The following FUCA2 variants were observed in gnomAD, a reference collection of about 807,000 sequenced individuals.
FUCA2 encodes alpha-L-fucosidase 2.
In FUCA2, 41 loss-of-function variants were observed where a neutral mutation model predicts 52.6. That is an observed-to-expected ratio of 0.78 (90% CI 0.61 to 1.01). The LOEUF is 1.01. Among genes scored for constraint, FUCA2 ranks in the 50% least tolerant of loss-of-function variants. The pLI, the probability that FUCA2 is intolerant of heterozygous loss-of-function variation, is 0.00. For synonymous variants in FUCA2, 211 were observed against 217.3 expected (o/e 0.97, Z 0.26); for missense variants, 507 against 569.5 (o/e 0.89, Z 1.12).
chr6:143,500,639 A>G lies in FUCA2; in HGVS notation c.1154+1293T>C, dbSNP rs1396009250. On this transcript the variant is annotated intron_variant, in intron 5 of 6. Coordinates refer to ENST00000002165, the MANE Select transcript of FUCA2 (RefSeq NM_032020.5). This position sits in a 1 kb window ranked among gnomAD's most constrained non-coding sequence, Gnocchi z 6.9. ...TAAGAAGTTCGACTTTGCATTACCA[A>G]TATGACCTTGTATATTGATAATGCA... Among the ~76,000 whole-genome samples the G allele has an allele frequency of 6.6e-6, 1 of 152,196 alleles. No homozygotes were observed. The highest frequency in any genetic ancestry group is 6.5e-5 in the Admixed American group (1 of 15,274).
At position 143,503,805 on chromosome 6, in the gene FUCA2, TACC is replaced by T. The variant is rs1780562647; in HGVS notation, c.752+105_752+107del. The T allele has an allele frequency of 7.4e-6, 6 of 809,144 alleles. No homozygotes were observed. The Admixed American group carries it at 1.8e-4, about 24-fold the overall frequency. 50.1% of individuals were successfully genotyped at this position (809,144 alleles called of 1,614,324 possible). ...TATTTACAATGATTTTCTCCCCCCATACCACCAATGACTTAAAATGAAATATTT... is the reference window on the plus strand; with the variant it reads ...TATTTACAATGATTTTCTCCCCCCATACCAATGACTTAAAATGAAATATTT... On this transcript the variant is annotated intron_variant, in intron 3 of 6. Coordinates refer to ENST00000002165, the MANE Select transcript of FUCA2 (RefSeq NM_032020.5). The surrounding 1 kb of genome is among the most constrained non-coding windows in gnomAD (Gnocchi z 4.8).
Position 143,500,525 on chromosome 6 carries a change from A to G in FUCA2, c.1154+1407T>C, listed in dbSNP as rs1780515281. ...CTGAGATGGAGAAGACCGTGGGTGG[A>G]GCTAGTCTACAGCAAAAATTTAAAA... On this transcript the variant is annotated intron_variant, in intron 5 of 6. Transcript: ENST00000002165. The surrounding 1 kb of genome is among the most constrained non-coding windows in gnomAD (Gnocchi z 6.9). Among the ~76,000 whole-genome samples the G allele has an allele frequency of 6.6e-6, 1 of 152,178 alleles. No homozygotes were observed. Among genetic ancestry groups the G allele is most frequent in the Admixed American group, 6.6e-5 (1 of 15,266 alleles).
Position 143,502,258 on chromosome 6 carries a change from C to T in FUCA2, c.963+97G>A. On this transcript the variant is annotated intron_variant, in intron 4 of 6. Coordinates refer to ENST00000002165, the MANE Select transcript of FUCA2 (RefSeq NM_032020.5). This position sits in a 1 kb window ranked among gnomAD's most constrained non-coding sequence, Gnocchi z 4.1. ...AACAAACACAGGATAGAACAATGTC[C>T]TATATTTATAGGCCATTGAGCCATA... 1 of 1,379,398 alleles carries T rather than the reference C, an allele frequency of 7.2e-7. No individual in the cohort carries two copies. Among genetic ancestry groups the T allele is most frequent in the Non-Finnish European group, 1.0e-6 (1 of 995,964 alleles). 85.4% of individuals were successfully genotyped at this position (1,379,398 alleles called of 1,614,324 possible).
In FUCA2 at chr6:143,510,106, C is replaced by A. The variant is rs913885297; in HGVS notation, c.224+1305G>T. On this transcript the variant is annotated intron_variant, in intron 1 of 6. Coordinates refer to ENST00000002165, the MANE Select transcript of FUCA2 (RefSeq NM_032020.5). The surrounding 1 kb of genome is among the most constrained non-coding windows in gnomAD (Gnocchi z 4.4). Reference sequence around the variant, plus strand: ...TTGCTAAAATTTATTATTTAAGTCTCCCCACATAATTTAGTCACACAATGT... The same window carrying A: ...TTGCTAAAATTTATTATTTAAGTCTACCCACATAATTTAGTCACACAATGT... Among the ~76,000 whole-genome samples, 2 of 152,054 alleles carry A rather than the reference C, an allele frequency of 1.3e-5. No individual in the cohort carries two copies. The highest frequency in any genetic ancestry group is 1.5e-5 in the Non-Finnish European group (1 of 68,022).
At position 143,511,599 on chromosome 6, in the gene FUCA2, C is replaced by T. The variant is rs770234605; in HGVS notation, c.36G>A (p.Pro12=). ...GCAGCAGCAACAGCAACAGCAGCAA[C>T]GGGAACGCGAGCCTGGGGAGCTCCT... ...RPQELPRLAF[P]LLLLLLLLLP... The change falls in exon 1 of 7, where the codon CCG becomes CCA. Residue 12 remains proline, a synonymous_variant. Transcript: ENST00000002165. The surrounding 1 kb of genome is among the most constrained non-coding windows in gnomAD (Gnocchi z 6.3). 6 of 1,549,746 alleles carry T rather than the reference C, an allele frequency of 3.9e-6. No homozygotes were observed. Among genetic ancestry groups the T allele is most frequent in the Non-Finnish European group, 4.4e-6 (5 of 1,146,986 alleles).
Position 143,507,350 on chromosome 6 carries a change from T to C in FUCA2, c.299A>G (p.Tyr100Cys). 1 of 1,608,624 alleles carries C rather than the reference T, an allele frequency of 6.2e-7. No homozygotes were observed. The highest frequency in any genetic ancestry group is 2.2e-5 in the East Asian group (1 of 44,784). ...TGTAAATAGTGGTCCAAAATCTTCA[T>C]ATTTGAAACTAGGAGGGTAATTATC... ...MKDNYPPSFK[Y>C]EDFGPLFTAK... Residue 100 changes from tyrosine (Y) to cysteine (C), a missense_variant, in exon 2 of 7, where the codon TAT becomes TGT. Transcript: ENST00000002165. This position sits in a 1 kb window ranked among gnomAD's most constrained non-coding sequence, Gnocchi z 4.5.
At chr6:143,505,303 T>C in intron 2 of FUCA2, 1 of 148,764 alleles carries the variant, frequency 6.7e-6, no homozygotes, top group South Asian at 2.1e-4. Flanking sequence ...GACTCATACT[T>C]TCGATTTTTT....
At chr6:143,508,939 G>C (rs1453241543) in intron 1 of FUCA2, among the ~76,000 whole-genome samples, 2 of 152,046 alleles carry the variant, frequency 1.3e-5, no homozygotes, top group Non-Finnish European at 2.9e-5. Flanking sequence ...ACCCAGTTTG[G>C]AGTGCAGTGT....
intron 2 of FUCA2, chr6:143,506,781 A>G (rs1272404045): frequency 6.4e-6 from 1 of 156,934 alleles, no homozygotes; most frequent in Non-Finnish European, 1.4e-5. Context: ...TTCATCCACT[A>G]TTTGCACCAT....
chr6:143,508,597 G>A (rs1336314878), intron 1 of FUCA2, among the ~76,000 whole-genome samples: 1 of 152,194 alleles, frequency 6.6e-6, no homozygotes, highest in Non-Finnish European at 1.5e-5. Flanking sequence ...GGGAACTTGA[G>A]GGAAAGCCAA....
chr6:143,504,912 G>T lies in FUCA2; in HGVS notation c.413-660C>A, dbSNP rs890888576. 2.4e-4 allele frequency: 37 copies of T among 151,922 alleles called. No homozygotes were observed. The highest frequency in any genetic ancestry group is 2.4e-3 in the Admixed American group (37 of 15,254). 9.4% of individuals were successfully genotyped at this position (151,922 alleles called of 1,614,324 possible). On this transcript the variant is annotated intron_variant, in intron 2 of 6. Coordinates refer to ENST00000002165, the MANE Select transcript of FUCA2 (RefSeq NM_032020.5). The surrounding 1 kb of genome is among the most constrained non-coding windows in gnomAD (Gnocchi z 4.4). ...CTATACTTTAAAATATACTCACCAC[G>T]TGTAATCTCATCCTACTATAAAATC...
chr6:143,507,790 C>T lies in FUCA2; in HGVS notation c.225-366G>A, dbSNP rs1780628713. ...GCTCAAGCAATCCTCTCGCCTTAGC[C>T]TCCTGAGTAGCTAGGACCACAGGCA... On this transcript the variant is annotated intron_variant, in intron 1 of 6. Transcript: ENST00000002165. This position sits in a 1 kb window ranked among gnomAD's most constrained non-coding sequence, Gnocchi z 4.5. 6.6e-6 allele frequency among the ~76,000 whole-genome samples: 1 copy of T among 152,104 alleles called. No individual in the cohort carries two copies. Among genetic ancestry groups the T allele is most frequent in the Admixed American group, 6.5e-5 (1 of 15,268 alleles).
intron 2 of FUCA2, chr6:143,506,233 C>T (rs886810908): frequency 2.7e-5 from 4 of 147,762 alleles, no homozygotes; most frequent in Admixed American, 6.8e-5. Flanking sequence ...TCTCCCTCCG[C>T]CACCTAGACT....
At position 143,500,528 on chromosome 6, in the gene FUCA2, T is replaced by C. The variant is rs531021337; in HGVS notation, c.1154+1404A>G. Reference sequence around the variant, plus strand: ...AGATGGAGAAGACCGTGGGTGGAGCTAGTCTACAGCAAAAATTTAAAACTC... The same window carrying C: ...AGATGGAGAAGACCGTGGGTGGAGCCAGTCTACAGCAAAAATTTAAAACTC... On this transcript the variant is annotated intron_variant, in intron 5 of 6. Transcript: ENST00000002165. This position sits in a 1 kb window ranked among gnomAD's most constrained non-coding sequence, Gnocchi z 6.9. Among the ~76,000 whole-genome samples, 88 of 152,264 alleles carry C rather than the reference T, an allele frequency of 5.8e-4. No homozygotes were observed. Among genetic ancestry groups the C allele is most frequent in the Non-Finnish European group, 9.7e-4 (66 of 68,028 alleles).
rs1001428369 is a variant in FUCA2 at position 143,501,862 on chromosome 6, T to C, written c.1154+70A>G. On this transcript the variant is annotated intron_variant, in intron 5 of 6. Transcript: ENST00000002165. This position sits in a 1 kb window ranked among gnomAD's most constrained non-coding sequence, Gnocchi z 6.1. ...CCAATTTCTCTTTTTATCCTACTCTTCTTTATATGTCTGATAAATTTTAAA... is the reference window on the plus strand; with the variant it reads ...CCAATTTCTCTTTTTATCCTACTCTCCTTTATATGTCTGATAAATTTTAAA... 2.2e-6 allele frequency: 3 copies of C among 1,375,980 alleles called. No individual in the cohort carries two copies. The East Asian group carries it at 6.9e-5, about 32-fold the overall frequency. 85.2% of individuals were successfully genotyped at this position (1,375,980 alleles called of 1,614,324 possible). A position where few individuals can be genotyped will look rare whatever the true frequency, so the allele number is the denominator to read the frequency against.
rs1349555822 is a variant in FUCA2 at position 143,497,985 on chromosome 6, A to G, written c.1155-488T>C. 6.6e-6 allele frequency among the ~76,000 whole-genome samples: 1 copy of G among 152,212 alleles called. No homozygotes were observed. The highest frequency in any genetic ancestry group is 2.4e-5 in the African/African-American group (1 of 41,460). On this transcript the variant is annotated intron_variant, in intron 5 of 6. Coordinates refer to ENST00000002165, the MANE Select transcript of FUCA2 (RefSeq NM_032020.5). The surrounding 1 kb of genome is among the most constrained non-coding windows in gnomAD (Gnocchi z 5.3). ...GGGAAAGCAGACACTAAACAATCAC[A>G]CAAATAATATGAAAGTGTGAGTTCT...
rs1042457714 is a variant in FUCA2 at position 143,500,865 on chromosome 6, T to A, written c.1154+1067A>T. The stretch of plus-strand genomic sequence containing the variant: ...GTAGGTGACTGCAAGAAGGTGGGCA[T>A]GATGAACCCTGGGGGAAGAAGGCTC... On this transcript the variant is annotated intron_variant, in intron 5 of 6. Coordinates refer to ENST00000002165, the MANE Select transcript of FUCA2 (RefSeq NM_032020.5). The surrounding 1 kb of genome is among the most constrained non-coding windows in gnomAD (Gnocchi z 6.9). Among the ~76,000 whole-genome samples the A allele has an allele frequency of 6.6e-6, 1 of 152,038 alleles. No homozygotes were observed. The highest frequency in any genetic ancestry group is 1.5e-5 in the Non-Finnish European group (1 of 67,998).
chr6:143,501,821 A>G lies in FUCA2; in HGVS notation c.1154+111T>C. 1 of 904,862 alleles carries G rather than the reference A, an allele frequency of 1.1e-6. No individual in the cohort carries two copies. The highest frequency in any genetic ancestry group is 1.6e-6 in the Non-Finnish European group (1 of 606,340). 56.1% of individuals were successfully genotyped at this position (904,862 alleles called of 1,614,324 possible). A position where few individuals can be genotyped will look rare whatever the true frequency, so the allele number is the denominator to read the frequency against. ...AAGCAAAGTTTGGAAAGTGCTTTGT[A>G]TATGTAGGAATTCATCCAATTTCTC... On this transcript the variant is annotated intron_variant, in intron 5 of 6. Transcript: ENST00000002165. The surrounding 1 kb of genome is among the most constrained non-coding windows in gnomAD (Gnocchi z 6.1).
Position 143,502,628 on chromosome 6 carries a change from TCACTGAAAAGA to T in FUCA2, c.753-74_753-64del. The T allele has an allele frequency of 7.5e-7, 1 of 1,341,098 alleles. No individual in the cohort carries two copies. Among genetic ancestry groups the T allele is most frequent in the South Asian group, 1.3e-5 (1 of 77,444 alleles). The allele number at this position is 1,341,098 out of a possible 1,614,324, so 83.1% of individuals were successfully genotyped here. On this transcript the variant is annotated intron_variant, in intron 3 of 6. Coordinates refer to ENST00000002165, the MANE Select transcript of FUCA2 (RefSeq NM_032020.5). This position sits in a 1 kb window ranked among gnomAD's most constrained non-coding sequence, Gnocchi z 4.1. ...TAAGCTTTTTATACAAAAAGAAATG[TCACTGAAAAGA>T]CATGTAATTGAAATACAATTCTGAA...
Sources: gnomAD v4.1 joint callset for allele counts (sites outside exome capture counted in the v4.1 genomes callset) on GRCh38, gnomAD v4.1.1 for gene constraint, Gnocchi (gnomAD v3.1) non-coding constraint, MANE v1.5 for transcripts, NCBI Gene and HGNC (gene_info 2026-07-23, HGNC 2026-07-21) for gene names.